The following CSGALNACT1 variants were observed in gnomAD, a reference collection of about 807,000 sequenced individuals.
CSGALNACT1 encodes chondroitin sulfate N-acetylgalactosaminyltransferase 1, also known as beta4GalNAcT-1.
A neutral mutation model predicts 51.0 loss-of-function variants in CSGALNACT1; 52 were observed. The ratio of observed to expected loss-of-function variants is 1.02; its 90% CI spans 0.82 to 1.29. The LOEUF (loss-of-function observed/expected upper bound fraction) is 1.29, where lower values mean the gene tolerates loss of function less well. Among genes scored for constraint, CSGALNACT1 ranks in the 50% most tolerant of loss-of-function variants. The pLI, the probability that CSGALNACT1 is intolerant of heterozygous loss-of-function variation, is 0.00. For synonymous variants in CSGALNACT1, 341 were observed against 254.4 expected (o/e 1.34, Z -3.24); for missense variants, 935 against 679.2 (o/e 1.38, Z -4.19).
chr8:19,735,208 A>G (rs1395055913), intron 1 of CSGALNACT1, among the ~76,000 whole-genome samples: 1 of 152,166 alleles, frequency 6.6e-6, no homozygotes, highest in African/African-American at 2.4e-5. Context: ...TGAAAAATGA[A>G]AAAGAGGTGC....
intron 4 of CSGALNACT1, among the ~76,000 whole-genome samples, chr8:19,464,945 G>C (rs182441724): frequency 6.6e-6 from 1 of 152,092 alleles, no homozygotes; most frequent in East Asian, 1.9e-4. Flanking sequence ...TCCTCACAAA[G>C]TTAAACATAG....
chr8:19,617,054 T>G (rs1452635961), intron 1 of CSGALNACT1, among the ~76,000 whole-genome samples: 1 of 152,238 alleles, frequency 6.6e-6, no homozygotes, highest in African/African-American at 2.4e-5. Flanking sequence ...GAGCTTGTTT[T>G]CCTGTAACTA....
At chr8:19,599,620 A>T (rs1161883827) in intron 2 of CSGALNACT1, among the ~76,000 whole-genome samples, 1 of 152,138 alleles carries the variant, frequency 6.6e-6, no homozygotes, top group Non-Finnish European at 1.5e-5. Flanking sequence ...AAGAATAAAT[A>T]AATAAGTAGT....
chr8:19,581,945 GT>G lies in CSGALNACT1; in HGVS notation c.-297+9214del, dbSNP rs1179756331. ...TCAATTTAGAAAATTATTCATCTTAGTTAACAGGAAAATAATTCAGATGTAA... is the reference window on the plus strand; with the variant it reads ...TCAATTTAGAAAATTATTCATCTTAGTAACAGGAAAATAATTCAGATGTAA... On this transcript the variant is annotated intron_variant, in intron 3 of 9. Coordinates refer to ENST00000454498, the Ensembl canonical transcript of CSGALNACT1. Among the ~76,000 whole-genome samples the G allele has an allele frequency of 2.6e-5, 4 of 152,128 alleles. No individual in the cohort carries two copies. In the East Asian group the frequency reaches 7.7e-4, roughly 29 times the overall value.
chr8:19,575,120 A>G (rs1276921825), intron 3 of CSGALNACT1, among the ~76,000 whole-genome samples: 1 of 152,182 alleles, frequency 6.6e-6, no homozygotes, highest in East Asian at 1.9e-4. Flanking sequence ...TTGTCTGCCA[A>G]CTCACACAGT....
At chr8:19,431,283 T>C (rs2059613765) in intron 6 of CSGALNACT1, among the ~76,000 whole-genome samples, 1 of 152,152 alleles carries the variant, frequency 6.6e-6, no homozygotes, top group South Asian at 2.1e-4. Flanking sequence ...CCATTAAGTA[T>C]GATGTTTTTC....
At chr8:19,554,427 C>G (rs1392134710) in intron 3 of CSGALNACT1, among the ~76,000 whole-genome samples, 1 of 151,240 alleles carries the variant, frequency 6.6e-6, no homozygotes, top group Non-Finnish European at 1.5e-5. Context: ...TCCTCACCTT[C>G]TAAGTCAGGG....
At chr8:19,564,184 C>G (rs2041420199) in intron 3 of CSGALNACT1, among the ~76,000 whole-genome samples, 1 of 152,164 alleles carries the variant, frequency 6.6e-6, no homozygotes, top group African/African-American at 2.4e-5. Context: ...TCATATCACT[C>G]CCTACTTTAA....
intron 8 of CSGALNACT1, among the ~76,000 whole-genome samples, chr8:19,408,940 A>G (rs1390348850): frequency 6.9e-6 from 1 of 145,398 alleles, no homozygotes; most frequent in Non-Finnish European, 1.5e-5. Flanking sequence ...TCTAGGGCAT[A>G]GATATGAAAA....
chr8:19,651,642 A>C (rs992242454), intron 1 of CSGALNACT1, among the ~76,000 whole-genome samples: 1 of 120,016 alleles, frequency 8.3e-6, no homozygotes, highest in East Asian at 2.4e-4. Flanking sequence ...TATGTACCAC[A>C]TTTTCTTTAT....
At chr8:19,690,699 C>G (rs1474805180) in intron 1 of CSGALNACT1, among the ~76,000 whole-genome samples, 2 of 152,208 alleles carry the variant, frequency 1.3e-5, no homozygotes, top group Admixed American at 6.5e-5. Context: ...TAACGATACT[C>G]TGAATTAATA....
intron 5 of CSGALNACT1, among the ~76,000 whole-genome samples, chr8:19,448,407 C>A (rs1029235116): frequency 3.3e-5 from 5 of 152,130 alleles, no homozygotes; most frequent in Admixed American, 6.5e-5. Context: ...CAATGGAAAT[C>A]CTATATCCGA....
intron 1 of CSGALNACT1, among the ~76,000 whole-genome samples, chr8:19,755,070 G>C (rs373824190): frequency 5.9e-5 from 9 of 152,182 alleles, no homozygotes; most frequent in African/African-American, 2.2e-4. Context: ...TATTTATTTA[G>C]TCCTTATGCC....
intron 1 of CSGALNACT1, among the ~76,000 whole-genome samples, chr8:19,756,925 C>T (rs1471171313): frequency 6.6e-6 from 1 of 151,482 alleles, no homozygotes; most frequent in Non-Finnish European, 1.5e-5. Context: ...CCCTCCGCGT[C>T]CCCGCGCGCC....
intron 1 of CSGALNACT1, among the ~76,000 whole-genome samples, chr8:19,751,369 T>C (rs1369937552): frequency 2.0e-5 from 3 of 152,188 alleles, no homozygotes; most frequent in African/African-American, 7.2e-5. Context: ...ACCTGCTACA[T>C]ATTTAAGGGC....
At chr8:19,421,240 G>C (rs1349842588) in intron 6 of CSGALNACT1, among the ~76,000 whole-genome samples, 1 of 146,548 alleles carries the variant, frequency 6.8e-6, no homozygotes, top group Non-Finnish European at 1.6e-5. Context: ...AGTGCCAAGA[G>C]TATACAGCAC....
intron 3 of CSGALNACT1, among the ~76,000 whole-genome samples, chr8:19,540,097 T>G (rs2084743321): frequency 6.6e-6 from 1 of 152,180 alleles, no homozygotes; most frequent in African/African-American, 2.4e-5. Context: ...ATCATTCCAG[T>G]TGTCCCTAAT....
intron 3 of CSGALNACT1, among the ~76,000 whole-genome samples, chr8:19,543,248 A>C (rs976184952): frequency 2.6e-5 from 4 of 152,132 alleles, no homozygotes; most frequent in African/African-American, 9.7e-5. Context: ...GCCCTCCCCC[A>C]TCCTATACTT....
At chr8:19,576,382 G>A (rs1407445519) in intron 3 of CSGALNACT1, among the ~76,000 whole-genome samples, 3 of 152,012 alleles carry the variant, frequency 2.0e-5, no homozygotes, top group Non-Finnish European at 2.9e-5. Flanking sequence ...TAGTAGAGAC[G>A]GGGTTTCATT....
Sources: allele counts gnomAD v4.1 joint callset (sites outside exome capture counted in the v4.1 genomes callset), GRCh38; gene constraint gnomAD v4.1.1; transcripts MANE v1.5; gene names NCBI Gene and HGNC (gene_info 2026-07-23, HGNC 2026-07-21).